The following KCNMB2 variants were observed in gnomAD, a reference collection of about 807,000 sequenced individuals.
KCNMB2 encodes the protein potassium calcium-activated channel subfamily M regulatory beta subunit 2.
KCNMB2 carries 9 observed loss-of-function variants against 24.5 expected under a neutral mutation model. That is an observed-to-expected ratio of 0.37 (90% CI 0.22 to 0.64). The LOEUF is 0.64. Among genes scored for constraint, KCNMB2 ranks in the 30% least tolerant of loss-of-function variants. The pLI is 0.63. For synonymous variants in KCNMB2, 109 were observed against 104.4 expected (o/e 1.04, Z -0.27); for missense variants, 226 against 284.3 (o/e 0.79, Z 1.47).
chr3:178,777,936 T>C (rs1320146609), intron 1 of KCNMB2, among the ~76,000 whole-genome samples: 2 of 152,302 alleles, frequency 1.3e-5, no homozygotes, highest in African/African-American at 4.8e-5. Context: ...TCACATCATC[T>C]GAAATTATTT....
At chr3:178,582,376 G>A (rs1332204385) in intron 1 of KCNMB2, among the ~76,000 whole-genome samples, 1 of 152,154 alleles carries the variant, frequency 6.6e-6, no homozygotes, top group Non-Finnish European at 1.5e-5. Flanking sequence ...TGGGAGTTAG[G>A]GGAGGGATAG....
intron 4 of KCNMB2, among the ~76,000 whole-genome samples, chr3:178,834,679 G>C (rs977148217): frequency 6.6e-6 from 1 of 152,072 alleles, no homozygotes; most frequent in Non-Finnish European, 1.5e-5. Flanking sequence ...AGGGGAATAT[G>C]CCCTGAAATT....
chr3:178,555,951 G>C (rs968904816), intron 1 of KCNMB2, among the ~76,000 whole-genome samples: 9 of 152,160 alleles, frequency 5.9e-5, no homozygotes, highest in African/African-American at 2.2e-4. Context: ...TTAAACAAAG[G>C]CTCGAATAAG....
chr3:178,758,558 G>GCA (rs1724327404), intron 1 of KCNMB2, among the ~76,000 whole-genome samples: 1 of 25,518 alleles, frequency 3.9e-5, no homozygotes, highest in African/African-American at 1.8e-4. Flanking sequence ...ATATCCAAGA[G>GCA]GAGATATATA....
intron 1 of KCNMB2, among the ~76,000 whole-genome samples, chr3:178,603,075 C>T (rs1718146613): frequency 6.6e-6 from 1 of 152,004 alleles, no homozygotes; most frequent in Non-Finnish European, 1.5e-5. Context: ...TTCTCAGTGA[C>T]TAATTGGATA....
At chr3:178,586,538 C>CGTTTTTTTT (rs1313147122) in intron 1 of KCNMB2, among the ~76,000 whole-genome samples, 1 of 68,500 alleles carries the variant, frequency 1.5e-5, no homozygotes, top group African/African-American at 5.7e-5. Flanking sequence ...TTTTTTCTTT[C>CGTTTTTTTT]TTTTTTTTTT....
intron 1 of KCNMB2, among the ~76,000 whole-genome samples, chr3:178,542,980 C>G (rs1274582252): frequency 6.6e-6 from 1 of 152,138 alleles, no homozygotes; most frequent in Non-Finnish European, 1.5e-5. Context: ...GTGTTAGCAC[C>G]ATGCTTGGCA....
intron 1 of KCNMB2, among the ~76,000 whole-genome samples, chr3:178,759,453 ATAT>A (rs1338827968): frequency 1.6e-5 from 1 of 63,004 alleles, no homozygotes; most frequent in Non-Finnish European, 2.9e-5. Flanking sequence ...ATATATATAT[ATAT>A]ATCTCCAAGA....
intron 1 of KCNMB2, among the ~76,000 whole-genome samples, chr3:178,652,858 T>C (rs1248037148): frequency 3.3e-5 from 5 of 152,142 alleles, no homozygotes; most frequent in Admixed American, 2.6e-4. Context: ...TGACGAGGTT[T>C]CACCATGTTG....
chr3:178,562,549 A>T (rs1001415343), intron 1 of KCNMB2, among the ~76,000 whole-genome samples: 1 of 152,228 alleles, frequency 6.6e-6, no homozygotes, highest in African/African-American at 2.4e-5. Flanking sequence ...TTTTCCTCCA[A>T]TTCTAAACTG....
intron 4 of KCNMB2, among the ~76,000 whole-genome samples, chr3:178,831,115 G>GT (rs1049559688): frequency 1.3e-4 from 19 of 151,776 alleles, no homozygotes; most frequent in Admixed American, 1.2e-3. Context: ...TTTTTTGTTT[G>GT]TTTTTTCATA....
intron 1 of KCNMB2, among the ~76,000 whole-genome samples, chr3:178,633,996 C>A (rs1477693897): frequency 6.6e-6 from 1 of 152,196 alleles, no homozygotes; most frequent in Non-Finnish European, 1.5e-5. Context: ...CAGTTCCTAA[C>A]AAGTTCCTCA....
At position 178,597,613 on chromosome 3, in the gene KCNMB2, C is replaced by T. The variant is rs577316530; in HGVS notation, c.-68+60902C>T. 6.4e-4 allele frequency among the ~76,000 whole-genome samples: 97 copies of T among 152,244 alleles called. 1 individual carries two copies. The highest frequency in any genetic ancestry group is 5.7e-3 in the Admixed American group (87 of 15,272). On this transcript the variant is annotated intron_variant, in intron 1 of 4. Transcript: ENST00000452583. ...TCACACTGTCATTTCAATTTACTGA[C>T]GCAGTGATACAACAAACACATCATT...
chr3:178,683,658 G>A (rs1014813535), intron 1 of KCNMB2, among the ~76,000 whole-genome samples: 3 of 152,150 alleles, frequency 2.0e-5, no homozygotes, highest in African/African-American at 7.2e-5. Flanking sequence ...TATGTACCTA[G>A]TCGTTATTGC....
chr3:178,775,337 T>C (rs964502344), intron 1 of KCNMB2, among the ~76,000 whole-genome samples: 6 of 152,170 alleles, frequency 3.9e-5, no homozygotes, highest in Admixed American at 6.6e-5. Flanking sequence ...ATGTGTTATA[T>C]AACAAATGTT....
chr3:178,614,957 T>C (rs1481771187), intron 1 of KCNMB2, among the ~76,000 whole-genome samples: 1 of 152,214 alleles, frequency 6.6e-6, no homozygotes, highest in East Asian at 1.9e-4. Context: ...GGTGTTGTGA[T>C]GTAAGCCATG....
chr3:178,586,538 C>CTTTTTTTTTCTT (rs1717439508), intron 1 of KCNMB2, among the ~76,000 whole-genome samples: 6 of 68,496 alleles, frequency 8.8e-5, no homozygotes, highest in African/African-American at 3.4e-4. Flanking sequence ...TTTTTTCTTT[C>CTTTTTTTTTCTT]TTTTTTTTTT....
intron 1 of KCNMB2, among the ~76,000 whole-genome samples, chr3:178,685,924 A>G (rs1330665385): frequency 6.6e-6 from 1 of 152,184 alleles, no homozygotes; most frequent in Non-Finnish European, 1.5e-5. Flanking sequence ...TCAAAGTAAA[A>G]AGTCCTCCAG....
At chr3:178,671,240 C>A (rs984235989) in intron 1 of KCNMB2, among the ~76,000 whole-genome samples, 2 of 152,084 alleles carry the variant, frequency 1.3e-5, no homozygotes, top group East Asian at 3.9e-4. Flanking sequence ...AACTTCTAGG[C>A]CCACTGAAAG....
Sources: gnomAD v4.1 joint callset for allele counts (sites outside exome capture counted in the v4.1 genomes callset) on GRCh38, gnomAD v4.1.1 for gene constraint, MANE v1.5 for transcripts, NCBI Gene and HGNC (gene_info 2026-07-23, HGNC 2026-07-21) for gene names.